EML1: variants seen among roughly 807,000 people sequenced by gnomAD.
EML1 encodes EMAP like 1.
A neutral mutation model predicts 110.4 loss-of-function variants in EML1; 27 were observed. The ratio of observed to expected loss-of-function variants is 0.24; its 90% CI spans 0.18 to 0.34. EML1 has a LOEUF of 0.34. Ranked by LOEUF, EML1 falls within the 10% of genes least tolerant of loss-of-function variation. The probability of loss-of-function intolerance (pLI) is 1.00; values close to 1 mark genes in which losing one functional copy is unlikely to be tolerated. For missense variants in EML1, 741 were observed against 1,030.9 expected, an observed-to-expected ratio of 0.72 and a Z score of 3.85; for synonymous variants, 344 against 385.8, an observed-to-expected ratio of 0.89 and a Z score of 1.27.
chr14:99,770,778 G>GCTTTTTTTTTTTTTTTTTTTT, upstream of EML1, among the ~76,000 whole-genome samples: 1 of 79,584 alleles, frequency 1.3e-5, no homozygotes, highest in South Asian at 6.1e-4. Flanking sequence ...AGTTTCCGCT[G>GCTTTTTTTTTTTTTTTTTTTT]ATTTTTTTTT....
chr14:99,749,240 G>A (rs182307458), intron 1 of EML1, among the ~76,000 whole-genome samples: 6 of 152,348 alleles, frequency 3.9e-5, no homozygotes, highest in Middle Eastern at 3.4e-3. Context: ...CCGCCAGGCT[G>A]TTTCCAGCGG....
At chr14:99,853,932 A>G (rs1248831186) in intron 2 of EML1, among the ~76,000 whole-genome samples, 1 of 152,192 alleles carries the variant, frequency 6.6e-6, no homozygotes, top group Non-Finnish European at 1.5e-5. Context: ...CGGCCTCCCA[A>G]AGTGCTGGGA....
intron 4 of EML1, among the ~76,000 whole-genome samples, chr14:99,889,677 C>T (rs1020850920): frequency 4.6e-5 from 7 of 152,114 alleles, no homozygotes; most frequent in Non-Finnish European, 1.0e-4. Flanking sequence ...ACGCCTGACA[C>T]GGAGCCTGCT....
In EML1 at chr14:99,914,348, A is replaced by G. The variant is rs760704190; in HGVS notation, c.1620+44A>G. 12 of 1,592,942 alleles carry G rather than the reference A, an allele frequency of 7.5e-6. No homozygotes were observed. In the South Asian group the frequency reaches 1.3e-4, roughly 18 times the overall value. ...GGCCCGGCAAACACTCTCATTTTGC[A>G]TTATATCAGACCCTAATCAAGCATT... On this transcript the variant is annotated intron_variant, in intron 14 of 21. Transcript: ENST00000262233.
intron 1 of EML1, among the ~76,000 whole-genome samples, chr14:99,799,945 T>G (rs907940838): frequency 2.0e-5 from 3 of 152,190 alleles, no homozygotes; most frequent in Admixed American, 6.5e-5. Flanking sequence ...CTCCAAGGAC[T>G]TAAAATCAGT....
rs181516584 is a variant in EML1 at position 99,766,277 on chromosome 14, C to G, written c.28+28417C>G. On this transcript the variant is annotated intron_variant, in intron 1 of 10. Transcript: ENST00000554479. ...TGGTGTGATCTTGGCTCACTGCAAC[C>G]TCTGCCTTGTGGGTTCAAGCAATTC... Among the ~76,000 whole-genome samples the G allele has an allele frequency of 2.1e-3, 303 of 143,842 alleles. 4 individuals carry two copies. The highest frequency in any genetic ancestry group is 7.5e-3 in the African/African-American group (293 of 38,860). 94.4% of individuals were successfully genotyped at this position (143,842 alleles called of 152,430 possible). A position where few individuals can be genotyped will look rare whatever the true frequency, so the allele number is the denominator to read the frequency against.
In EML1 at chr14:99,756,745, C is replaced by T. The variant is rs548523625; in HGVS notation, c.28+18885C>T. 2.2e-3 allele frequency among the ~76,000 whole-genome samples: 333 copies of T among 152,238 alleles called. 2 individuals carry two copies. The highest frequency in any genetic ancestry group is 0.018 in the South Asian group (87 of 4,812). On this transcript the variant is annotated intron_variant, in intron 1 of 10. Transcript: ENST00000554479. Reference sequence around the variant, plus strand: ...CACCTGTGGAATCTGAATCTTGGGGCTCTGGTGTGATTCCCGTGCCCCCAG... The same window carrying T: ...CACCTGTGGAATCTGAATCTTGGGGTTCTGGTGTGATTCCCGTGCCCCCAG...
At chr14:99,759,343 T>C (rs2057289586) in intron 1 of EML1, among the ~76,000 whole-genome samples, 1 of 152,242 alleles carries the variant, frequency 6.6e-6, no homozygotes, top group African/African-American at 2.4e-5. Flanking sequence ...CATGGCCCGC[T>C]TGGCTTAAAG....
intron 1 of EML1, among the ~76,000 whole-genome samples, chr14:99,837,792 CTTTTT>C (rs1458653602): frequency 2.0e-5 from 3 of 152,046 alleles, no homozygotes; most frequent in Admixed American, 6.6e-5. Context: ...CTGTGCTTTT[CTTTTT>C]GTTTTGTTGT....
upstream of EML1, among the ~76,000 whole-genome samples, chr14:99,769,350 C>T (rs1199661530): frequency 1.3e-5 from 2 of 152,204 alleles, no homozygotes; most frequent in Non-Finnish European, 2.9e-5. Flanking sequence ...ATCACAGGGC[C>T]CTCACCGTGG....
Position 99,870,449 on chromosome 14 carries a change from G to A in EML1, c.383+4803G>A, listed in dbSNP as rs188689564. Among the ~76,000 whole-genome samples the A allele has an allele frequency of 1.1e-4, 16 of 152,360 alleles. No homozygotes were observed. The East Asian group carries it at 2.9e-3, about 28-fold the overall frequency. ...TTATGCAGAAGACCTAGCTAGCTAAGATAACTGGTGAAAGCAGCTACACTA... is the reference window on the plus strand; with the variant it reads ...TTATGCAGAAGACCTAGCTAGCTAAAATAACTGGTGAAAGCAGCTACACTA... On this transcript the variant is annotated intron_variant, in intron 3 of 21. Coordinates refer to ENST00000262233, the MANE Select transcript of EML1 (RefSeq NM_004434.3).
At chr14:99,937,220 C>T (rs1406075745) in intron 19 of EML1, among the ~76,000 whole-genome samples, 1 of 152,158 alleles carries the variant, frequency 6.6e-6, no homozygotes, top group African/African-American at 2.4e-5. Flanking sequence ...CGCTCCAGTG[C>T]GGAGGGCGGC....
intron 9 of EML1, among the ~76,000 whole-genome samples, chr14:99,906,023 A>G (rs1254915046): frequency 1.3e-5 from 2 of 152,258 alleles, no homozygotes; most frequent in East Asian, 3.9e-4. Context: ...GTTCACCAGA[A>G]AGATGTTACC....
At chr14:99,865,462 G>A in intron 2 of EML1, 52 bp from the exon 3 acceptor site, 2 of 1,608,608 alleles carry the variant, frequency 1.2e-6, no homozygotes, top group Non-Finnish European at 1.7e-6. Context: ...GCTGTAAAAT[G>A]TTACCTTTGC....
intron 17 of EML1, among the ~76,000 whole-genome samples, chr14:99,925,823 G>A (rs1463985612): frequency 6.6e-6 from 1 of 152,094 alleles, no homozygotes; most frequent in Non-Finnish European, 1.5e-5. Context: ...CCAGCCTCCC[G>A]TCAGCCAGGA....
At chr14:99,786,448 G>T (rs993384456) in intron 1 of EML1, among the ~76,000 whole-genome samples, 1 of 152,200 alleles carries the variant, frequency 6.6e-6, no homozygotes, top group African/African-American at 2.4e-5. Flanking sequence ...AGCATGATGG[G>T]CATTAGGGGT....
intron 5 of EML1, 123 bp from the exon 6 acceptor site, chr14:99,894,506 A>G (rs1196315869): frequency 8.5e-7 from 1 of 1,172,984 alleles, no homozygotes; most frequent in Non-Finnish European, 1.1e-6. Flanking sequence ...CTAGGATATC[A>G]ATTAGAATGA....
chr14:99,907,480 G>T (rs774596739), intron 9 of EML1, 158 bp from the exon 10 acceptor site: 2 of 663,484 alleles, frequency 3.0e-6, no homozygotes, highest in Non-Finnish European at 5.1e-6. Context: ...GAAAAAGAAA[G>T]AAAGAAAGAA....
rs549015783 is a variant in EML1 at position 99,809,841 on chromosome 14, A to G, written c.67+16298A>G. Among the ~76,000 whole-genome samples, 3 of 152,286 alleles carry G rather than the reference A, an allele frequency of 2.0e-5. No individual in the cohort carries two copies. In the South Asian group the frequency reaches 6.2e-4, roughly 32 times the overall value. ...TGTAGAGGTATTTTTGAATGTGACT[A>G]TGGGTCTTGTCCTAGGCCCTTCTGG... On this transcript the variant is annotated intron_variant, in intron 1 of 21. Transcript: ENST00000262233.
Sources: allele counts gnomAD v4.1 joint callset (sites outside exome capture counted in the v4.1 genomes callset), GRCh38; gene constraint gnomAD v4.1.1; transcripts MANE v1.5; gene names NCBI Gene and HGNC (gene_info 2026-07-23, HGNC 2026-07-21).